FGF13: variants seen among roughly 807,000 people sequenced by gnomAD.
The protein encoded by FGF13 is fibroblast growth factor 13.
Under a neutral mutation model 19.5 loss-of-function variants are expected in FGF13, and 2 were observed. The observed-to-expected ratio is 0.10, with a 90% confidence interval of 0.04 to 0.32. The LOEUF (loss-of-function observed/expected upper bound fraction) is 0.32. FGF13 is among the 10% of genes least tolerant of loss of function. The probability of loss-of-function intolerance (pLI) is 1.00; values close to 1 mark genes in which losing one functional copy is unlikely to be tolerated. For synonymous variants in FGF13, 72 were observed against 76.9 expected (o/e 0.94, Z 0.33); for missense variants, 113 against 192.7 (o/e 0.59, Z 2.45).
At chrX:139,095,441 T>A (rs768889048) in intron 1 of FGF13, among the ~76,000 whole-genome samples, 14 of 111,425 alleles carry the variant, frequency 1.3e-4, no homozygotes, top group African/African-American at 4.6e-4. Context: ...CGGGCAGAGG[T>A]TACTCACATA....
chrX:139,054,091 C>T (rs1342010439), intron 1 of FGF13, among the ~76,000 whole-genome samples: 1 of 84,340 alleles, frequency 1.2e-5, no homozygotes, highest in East Asian at 3.6e-4. Context: ...TCTGGGTTCT[C>T]TGTTCTGTTC....
chrX:139,122,352 T>C lies in FGF13; in HGVS notation c.-113+81064A>G, dbSNP rs188204085. Among the ~76,000 whole-genome samples the C allele has an allele frequency of 4.5e-5, 5 of 111,617 alleles. No individual in the cohort carries two copies. In the East Asian group the frequency reaches 8.6e-4, roughly 19 times the overall value. On this transcript the variant is annotated intron_variant, in intron 1 of 2. Transcript: ENST00000421460. ...TTTCTCTGTGCTATTCCAGAACACA[T>C]AGAAGTAAAGCTGTTAGACAGAAAT...
At chrX:138,906,037 C>T (rs1025434906) in intron 1 of FGF13, among the ~76,000 whole-genome samples, 1 of 111,177 alleles carries the variant, frequency 9.0e-6, no homozygotes, top group African/African-American at 3.3e-5. Flanking sequence ...AAGAGTTTTA[C>T]AGGGCCAGGT....
intron 1 of FGF13, among the ~76,000 whole-genome samples, chrX:138,889,746 T>C (rs1235719559): frequency 1.8e-5 from 2 of 111,323 alleles, no homozygotes; most frequent in African/African-American, 6.5e-5. Context: ...GCATCCTTGT[T>C]TAGAACTGTA....
chrX:138,663,017 C>T (rs1291599997), intron 3 of FGF13, among the ~76,000 whole-genome samples: 2 of 111,167 alleles, frequency 1.8e-5, no homozygotes, highest in Non-Finnish European at 3.8e-5. Flanking sequence ...AAGACTAGTT[C>T]CCCCTCCACC....
At chrX:139,165,910 C>T (rs765564348) in intron 1 of FGF13, among the ~76,000 whole-genome samples, 1 of 111,880 alleles carries the variant, frequency 8.9e-6, no homozygotes, top group Non-Finnish European at 1.9e-5. Flanking sequence ...TGTATTTACC[C>T]AATGCCTGTA....
At chrX:138,947,520 T>C (rs529266044) in intron 1 of FGF13, among the ~76,000 whole-genome samples, 1 of 111,868 alleles carries the variant, frequency 8.9e-6, no homozygotes, top group South Asian at 3.7e-4. Flanking sequence ...CCTATTACCA[T>C]GCCTGTCACA....
upstream of FGF13, among the ~76,000 whole-genome samples, chrX:138,741,669 C>T (rs1052583423): frequency 9.0e-6 from 1 of 111,392 alleles, no homozygotes; most frequent in African/African-American, 3.3e-5. Context: ...AGCTAATTCA[C>T]ACAAATTTGT....
chrX:139,126,831 G>A (rs1215276795), intron 1 of FGF13, among the ~76,000 whole-genome samples: 1 of 111,379 alleles, frequency 9.0e-6, no homozygotes, highest in African/African-American at 3.3e-5. Flanking sequence ...TCAGCTCTGA[G>A]AATGGCTTCA....
At chrX:139,159,772 CACA>C (rs1258917599) in intron 1 of FGF13, among the ~76,000 whole-genome samples, 1 of 109,072 alleles carries the variant, frequency 9.2e-6, no homozygotes, top group Non-Finnish European at 1.9e-5. Flanking sequence ...AAGGGATCAA[CACA>C]ACAAGAAGAG....
At chrX:138,725,825 A>T (rs2090181776) in intron 1 of FGF13, among the ~76,000 whole-genome samples, 1 of 111,798 alleles carries the variant, frequency 8.9e-6, no homozygotes. Flanking sequence ...ATTGGTAATG[A>T]ACAAAGCATG....
intron 3 of FGF13, among the ~76,000 whole-genome samples, chrX:138,828,427 G>A (rs1363953875): frequency 2.5e-4 from 27 of 110,183 alleles, no homozygotes; most frequent in South Asian, 4.0e-4. Flanking sequence ...AAAATTAGCC[G>A]GGCGTGGTGG....
chrX:139,161,502 ACT>A (rs200068183), intron 1 of FGF13, among the ~76,000 whole-genome samples: 11,325 of 110,004 alleles, frequency 0.1, 581 homozygotes, highest in Non-Finnish European at 0.16. Flanking sequence ...AAGACAATAT[ACT>A]CTCTCTTAGC....
rs1224936897 is a variant in FGF13, at chrX:138,616,684, G to C, written c.*16166C>G. 8.9e-6 allele frequency: 1 copy of C among 112,514 alleles called. No individual in the cohort carries two copies. 9.3% of individuals were successfully genotyped at this position (112,514 alleles called of 1,213,427 possible). A position where few individuals can be genotyped will look rare whatever the true frequency, so the allele number is the denominator to read the frequency against. On this transcript the variant is annotated 3_prime_UTR_variant, in exon 5 of 5. Transcript: ENST00000315930. ...CACATTTCCCTTCTGCACTGCCCTA[G>C]CAGAGGTTCTCCCTGAGAGCTCTAC...
chrX:138,825,389 A>G (rs1245386451), intron 3 of FGF13, among the ~76,000 whole-genome samples: 1 of 112,218 alleles, frequency 8.9e-6, no homozygotes, highest in Non-Finnish European at 1.9e-5. Context: ...AATGTGTATA[A>G]AGACTTATTA....
chrX:138,847,480 A>C (rs745404968), intron 3 of FGF13, among the ~76,000 whole-genome samples: 1 of 111,831 alleles, frequency 8.9e-6, no homozygotes, highest in East Asian at 2.8e-4. Context: ...CTCATAAGTA[A>C]AAATTTGCTA....
In FGF13 at chrX:138,711,507, G is replaced by A. The variant is rs1435527532; in HGVS notation, c.-504C>T. ...GAGGAGGGACGAGGCAGCGCGCGGG[G>A]GAGCGCGCCCTCGCCCTGGCCCCTC... On this transcript the variant is annotated 5_prime_UTR_variant, in exon 1 of 5. Coordinates refer to ENST00000315930, the MANE Select transcript of FGF13 (RefSeq NM_004114.5). 7 of 753,025 alleles carry A rather than the reference G, an allele frequency of 9.3e-6. No homozygotes were observed. The highest frequency in any genetic ancestry group is 1.5e-4 in the East Asian group (1 of 6,577). 62.1% of individuals were successfully genotyped at this position (753,025 alleles called of 1,213,427 possible).
chrX:139,090,872 G>A (rs183722114), intron 1 of FGF13, among the ~76,000 whole-genome samples: 75 of 103,063 alleles, frequency 7.3e-4, no homozygotes, highest in African/African-American at 2.4e-3. Context: ...AGCCCGGGAG[G>A]TTGAGGCTTC....
intron 3 of FGF13, among the ~76,000 whole-genome samples, chrX:138,640,551 C>T (rs188393100): frequency 7.2e-5 from 8 of 111,688 alleles, no homozygotes; most frequent in Admixed American, 4.7e-4. Flanking sequence ...GGTTAATAGA[C>T]GAGTGGGCTG....
Sources: allele counts gnomAD v4.1 joint callset (sites outside exome capture counted in the v4.1 genomes callset), GRCh38; gene constraint gnomAD v4.1.1; transcripts MANE v1.5; gene names NCBI Gene and HGNC (gene_info 2026-07-23, HGNC 2026-07-21).